The following TLE4 variants were observed in gnomAD, a reference collection of about 807,000 sequenced individuals.
TLE4 encodes TLE family member 4, transcriptional corepressor, also known as transducin-like enhancer protein 4.
Under a neutral mutation model 92.8 loss-of-function variants are expected in TLE4, and 8 were observed. The ratio of observed to expected loss-of-function variants is 0.09; its 90% CI spans 0.05 to 0.16. The LOEUF (loss-of-function observed/expected upper bound fraction) is 0.16, where lower values mean the gene tolerates loss of function less well. TLE4 is among the 10% of genes least tolerant of loss of function. TLE4 has a pLI of 1.00. For synonymous variants in TLE4, 371 were observed against 374.1 expected (o/e 0.99, Z 0.10); for missense variants, 675 against 997.6 (o/e 0.68, Z 4.36).
chr9:79,584,438 G>A (rs1289427130), intron 4 of TLE4, among the ~76,000 whole-genome samples: 1 of 152,132 alleles, frequency 6.6e-6, no homozygotes, highest in Non-Finnish European at 1.5e-5. Context: ...TGGCTATCTG[G>A]CATTCCTGAA....
intron 8 of TLE4, among the ~76,000 whole-genome samples, chr9:79,669,238 C>T (rs1376562543): frequency 1.3e-5 from 2 of 152,004 alleles, no homozygotes; most frequent in Non-Finnish European, 2.9e-5. Flanking sequence ...GAGATAGGTC[C>T]CTCTGAACAG....
At chr9:79,633,246 G>A (rs2054801221) in intron 6 of TLE4, among the ~76,000 whole-genome samples, 1 of 152,090 alleles carries the variant, frequency 6.6e-6, no homozygotes, top group South Asian at 2.1e-4. Flanking sequence ...AAACCACTAG[G>A]TAAGGAATAG....
intron 5 of TLE4, among the ~76,000 whole-genome samples, chr9:79,619,896 A>T (rs2050546830): frequency 6.6e-6 from 1 of 152,222 alleles, no homozygotes; most frequent in African/African-American, 2.4e-5. Flanking sequence ...GCCATCAGAG[A>T]GCGTAATTCT....
chr9:79,708,084 C>G (rs2072190011), intron 11 of TLE4, 34 bp from the exon 12 acceptor site: 3 of 1,606,414 alleles, frequency 1.9e-6, no homozygotes, highest in East Asian at 4.5e-5. Context: ...AAACCATGTT[C>G]TAATTGCTGG....
chr9:79,634,270 G>A (rs979748075), intron 6 of TLE4, among the ~76,000 whole-genome samples: 2 of 152,182 alleles, frequency 1.3e-5, no homozygotes, highest in African/African-American at 4.8e-5. Flanking sequence ...CAGCTTGCTG[G>A]TATTACATTG....
At chr9:79,614,002 C>T (rs566159536) in intron 5 of TLE4, among the ~76,000 whole-genome samples, 1 of 152,186 alleles carries the variant, frequency 6.6e-6, no homozygotes, top group South Asian at 2.1e-4. Flanking sequence ...CAGTCATGTC[C>T]CCATTTGCCT....
intron 6 of TLE4, among the ~76,000 whole-genome samples, chr9:79,642,165 C>A (rs1342864761): frequency 1.3e-5 from 2 of 151,392 alleles, no homozygotes; most frequent in Non-Finnish European, 2.9e-5. Context: ...CTCTGACGTT[C>A]TAAGATCAAA....
intron 4 of TLE4, among the ~76,000 whole-genome samples, chr9:79,611,909 A>T (rs2133049756): frequency 6.7e-6 from 1 of 148,996 alleles, no homozygotes; most frequent in East Asian, 2.0e-4. Context: ...GTTCTTTGAC[A>T]TTGTTGGGAC....
intron 19 of TLE4, among the ~76,000 whole-genome samples, chr9:79,723,280 T>G: frequency 6.6e-6 from 1 of 152,254 alleles, no homozygotes; most frequent in Non-Finnish European, 1.5e-5. Flanking sequence ...CACTGTTGCT[T>G]CATCATCAAT....
At chr9:79,573,256 G>A (rs2036426436) in intron 1 of TLE4, 23 of 1,019,016 alleles carry the variant, frequency 2.3e-5, no homozygotes, top group Non-Finnish European at 2.7e-5. Flanking sequence ...GGCCGCCGGG[G>A]CGAGCGGGCG....
chr9:79,609,294 CAT>C (rs1197607226), intron 4 of TLE4, among the ~76,000 whole-genome samples: 1 of 152,110 alleles, frequency 6.6e-6, no homozygotes, highest in African/African-American at 2.4e-5. Context: ...TTGACAGTCA[CAT>C]GTCATGTGTT....
chr9:79,667,619 A>G (rs2061615711), intron 8 of TLE4, among the ~76,000 whole-genome samples: 1 of 152,174 alleles, frequency 6.6e-6, no homozygotes, highest in Non-Finnish European at 1.5e-5. Context: ...ACTCCATTAA[A>G]AATCCGAAAT....
chr9:79,666,308 A>G (rs1225188109), intron 8 of TLE4, among the ~76,000 whole-genome samples: 4 of 150,496 alleles, frequency 2.7e-5, no homozygotes, highest in African/African-American at 4.9e-5. Context: ...GCTCACTGCA[A>G]TCTCTGTCTC....
At chr9:79,591,960 A>T (rs1299321461) in intron 4 of TLE4, among the ~76,000 whole-genome samples, 2 of 152,144 alleles carry the variant, frequency 1.3e-5, no homozygotes, top group East Asian at 3.9e-4. Context: ...CTCCTGCCAA[A>T]TTTATAATCC....
At position 79,708,623 on chromosome 9, in the gene TLE4, C is replaced by G. The variant is rs769724334; in HGVS notation, c.1100C>G (p.Pro367Arg). Reference protein sequence around the residue: ...ASSLRTPMAVPCPYPTPFGIV... With the variant: ...ASSLRTPMAVRCPYPTPFGIV... ...AGCCTAAGGACCCCAATGGCAGTAC[C>G]TTGTCCATATCCAACTCCATTTGGG... The change falls in exon 13 of 20, where the codon CCT (proline) becomes CGT (arginine). Residue 367 changes from proline (P) to arginine (R), a missense_variant. Coordinates refer to ENST00000376552, the MANE Select transcript of TLE4 (RefSeq NM_007005.6). 6.2e-7 allele frequency: 1 copy of G among 1,614,102 alleles called. No homozygotes were observed.
At chr9:79,654,126 G>A in intron 8 of TLE4, 51 bp downstream of exon 8, 1 of 1,537,758 alleles carries the variant, frequency 6.5e-7, no homozygotes. Flanking sequence ...GGCTGTAAAT[G>A]ATTTGAATGA....
intron 6 of TLE4, among the ~76,000 whole-genome samples, chr9:79,648,938 C>A (rs1450036528): frequency 1.3e-5 from 2 of 151,950 alleles, no homozygotes; most frequent in African/African-American, 4.8e-5. Flanking sequence ...AGCAAAGGAG[C>A]TAAAGGAGAA....
chr9:79,718,885 G>A lies in TLE4; in HGVS notation c.1504G>A (p.Val502Met), dbSNP rs756923031. ...AVTISNPTRH[V>M]YTGGKGCVKV... ...GACCATCAGCAACCCCACGAGACAC[G>A]TGTACACGGGTGGGAAGGGCTGCGT... Residue 502 changes from valine (V) to methionine (M), a missense_variant, in exon 15 of 20, where the codon GTG becomes ATG. Coordinates refer to ENST00000376552, the MANE Select transcript of TLE4 (RefSeq NM_007005.6). 8 of 1,614,036 alleles carry A rather than the reference G, an allele frequency of 5.0e-6. No homozygotes were observed. The highest frequency in any genetic ancestry group is 1.3e-5 in the African/African-American group (1 of 74,904).
intron 6 of TLE4, among the ~76,000 whole-genome samples, chr9:79,642,812 G>A (rs2057423533): frequency 6.6e-6 from 1 of 152,090 alleles, no homozygotes; most frequent in Non-Finnish European, 1.5e-5. Flanking sequence ...GCTTGCTTTG[G>A]TTGTTACTTG....
Sources: allele counts gnomAD v4.1 joint callset (sites outside exome capture counted in the v4.1 genomes callset), GRCh38; gene constraint gnomAD v4.1.1; transcripts MANE v1.5; gene names NCBI Gene and HGNC (gene_info 2026-07-23, HGNC 2026-07-21).